C12orf50: variants seen among roughly 807,000 people sequenced by gnomAD.
C12orf50 encodes zinc finger CCCH-type containing 11D, also known as uncharacterized protein C12orf50.
Under a neutral mutation model 61.6 loss-of-function variants are expected in C12orf50, and 35 were observed. The ratio of observed to expected loss-of-function variants is 0.57; its 90% CI spans 0.43 to 0.75. C12orf50 has a LOEUF of 0.75. Among genes scored for constraint, C12orf50 ranks in the 30% least tolerant of loss-of-function variants. C12orf50 has a pLI of 0.00. For missense variants in C12orf50, 475 were observed against 488.5 expected (o/e 0.97, Z 0.26); for synonymous variants, 178 against 161.5 (o/e 1.10, Z -0.77).
chr12:88,027,124 A>G lies in C12orf50; in HGVS notation c.-108-54T>C. On this transcript the variant is annotated intron_variant, in intron 1 of 12. Coordinates refer to ENST00000298699, the MANE Select transcript of C12orf50 (RefSeq NM_152589.3). ...GCTCAATATGTTGACATTAGTGTTC[A>G]ACAACAATAGGTTGCTAATTAGTTA... The G allele has an allele frequency of 6.0e-6, 9 of 1,510,098 alleles. No individual in the cohort carries two copies. The South Asian group carries it at 6.4e-5, about 11-fold the overall frequency. The allele number at this position is 1,510,098 out of a possible 1,614,324, so 93.5% of individuals were successfully genotyped here. A position where few individuals can be genotyped will look rare whatever the true frequency, so the allele number is the denominator to read the frequency against.
At chr12:88,018,467 G>A (rs1446289883) in intron 3 of C12orf50, among the ~76,000 whole-genome samples, 1 of 152,250 alleles carries the variant, frequency 6.6e-6, no homozygotes, top group Non-Finnish European at 1.5e-5. Flanking sequence ...ACCTCTGCTA[G>A]GGCAGTGTGG....
At chr12:87,997,191 A>G (rs899489743) in intron 4 of C12orf50, among the ~76,000 whole-genome samples, 1 of 152,134 alleles carries the variant, frequency 6.6e-6, no homozygotes, top group Non-Finnish European at 1.5e-5. Flanking sequence ...TCTTGTGAGG[A>G]TGACTTAGAA....
intron 6 of C12orf50, among the ~76,000 whole-genome samples, chr12:87,995,690 G>C (rs567821569): frequency 3.9e-5 from 6 of 152,044 alleles, no homozygotes; most frequent in Admixed American, 2.6e-4. Context: ...GTTTCCTTTT[G>C]TTTTTTCTTC....
intron 3 of C12orf50, among the ~76,000 whole-genome samples, chr12:88,007,066 A>G (rs1472226300): frequency 6.6e-6 from 1 of 152,220 alleles, no homozygotes; most frequent in Non-Finnish European, 1.5e-5. Flanking sequence ...TCACTAGGGA[A>G]CAGGTTCATG....
intron 7 of C12orf50, among the ~76,000 whole-genome samples, chr12:87,990,199 T>G (rs1384137578): frequency 1.3e-5 from 2 of 152,194 alleles, no homozygotes; most frequent in Non-Finnish European, 2.9e-5. Context: ...TATCATTGCT[T>G]GAAGTTACCC....
At chr12:88,010,100 T>C (rs568116041) in intron 3 of C12orf50, among the ~76,000 whole-genome samples, 1 of 152,158 alleles carries the variant, frequency 6.6e-6, no homozygotes, top group East Asian at 1.9e-4. Context: ...AATGTAGTGG[T>C]TATCATGTTC....
chr12:87,997,610 T>C (rs1291020867), intron 4 of C12orf50, among the ~76,000 whole-genome samples: 2 of 152,144 alleles, frequency 1.3e-5, no homozygotes, highest in Non-Finnish European at 2.9e-5. Flanking sequence ...CCCCTCCCTG[T>C]GTCCATGTGT....
chr12:87,987,524 A>G (rs1213539339), intron 9 of C12orf50, among the ~76,000 whole-genome samples: 1 of 152,188 alleles, frequency 6.6e-6, no homozygotes, highest in Non-Finnish European at 1.5e-5. Flanking sequence ...AAAATAATCC[A>G]AAACATAATA....
intron 7 of C12orf50, among the ~76,000 whole-genome samples, chr12:87,990,224 C>T (rs2031054792): frequency 6.6e-6 from 1 of 152,142 alleles, no homozygotes; most frequent in South Asian, 2.1e-4. Flanking sequence ...AGATTTGGCT[C>T]ATTGTTCCAA....
chr12:87,984,475 A>G (rs1228551671), intron 11 of C12orf50: 2 of 152,190 alleles, frequency 1.3e-5, no homozygotes, highest in Non-Finnish European at 2.9e-5. Flanking sequence ...AAAAACTGTG[A>G]AACTATGAGG....
intron 3 of C12orf50, among the ~76,000 whole-genome samples, chr12:88,013,412 A>G (rs2032187118): frequency 6.6e-6 from 1 of 152,188 alleles, no homozygotes. Context: ...TTGGACAATT[A>G]GGAAAATTTG....
intron 7 of C12orf50, among the ~76,000 whole-genome samples, chr12:87,993,919 A>G (rs2031252765): frequency 6.6e-6 from 1 of 152,030 alleles, no homozygotes; most frequent in Non-Finnish European, 1.5e-5. Flanking sequence ...CTTTAAGTCC[A>G]CTGGGCTCGG....
At chr12:87,992,747 T>C (rs1024779227) in intron 7 of C12orf50, among the ~76,000 whole-genome samples, 1 of 152,162 alleles carries the variant, frequency 6.6e-6, no homozygotes, top group African/African-American at 2.4e-5. Context: ...ACCATAAATA[T>C]GGTTATATTG....
chr12:87,980,974 CATAAGCTA>C (rs1054188040), intron 12 of C12orf50, among the ~76,000 whole-genome samples: 4 of 152,132 alleles, frequency 2.6e-5, no homozygotes, highest in African/African-American at 9.7e-5. Flanking sequence ...CAGGAAGAAA[CATAAGCTA>C]ATCTTTCTCT....
intron 11 of C12orf50, 184 bp from the exon 12 acceptor site, chr12:87,983,379 TG>T (rs1279039921): frequency 1.1e-4 from 40 of 366,836 alleles, no homozygotes; most frequent in Non-Finnish European, 1.3e-4. Context: ...TAAGTGAGCA[TG>T]TTTTTTTTTG....
intron 3 of C12orf50, among the ~76,000 whole-genome samples, chr12:88,006,244 A>T (rs181077041): frequency 1.4e-4 from 22 of 152,206 alleles, no homozygotes; most frequent in Non-Finnish European, 2.6e-4. Flanking sequence ...CTGTGTCTTT[A>T]CCGGGTTGTC....
chr12:87,995,424 T>C (rs1204760108), intron 6 of C12orf50, among the ~76,000 whole-genome samples: 1 of 152,212 alleles, frequency 6.6e-6, no homozygotes, highest in Non-Finnish European at 1.5e-5. Context: ...AGAGGTATCA[T>C]GTCTGTAACT....
intron 3 of C12orf50, among the ~76,000 whole-genome samples, chr12:88,002,240 T>G (rs1248069017): frequency 1.3e-5 from 2 of 151,868 alleles, no homozygotes; most frequent in Non-Finnish European, 3.0e-5. Flanking sequence ...GTAATTTTCT[T>G]GTGATTTCTT....
At chr12:88,006,959 A>G (rs2031910473) in intron 3 of C12orf50, among the ~76,000 whole-genome samples, 1 of 152,162 alleles carries the variant, frequency 6.6e-6, no homozygotes, top group Admixed American at 6.6e-5. Context: ...TTGAATTAAT[A>G]CGATTTCATT....
Sources: gnomAD v4.1 joint callset for allele counts (sites outside exome capture counted in the v4.1 genomes callset) on GRCh38, gnomAD v4.1.1 for gene constraint, MANE v1.5 for transcripts, NCBI Gene and HGNC (gene_info 2026-07-23, HGNC 2026-07-21) for gene names.